Variants in ASIC2 observed in about 807,000 individuals in gnomAD.
The protein encoded by ASIC2 is acid-sensing ion channel 2.
ASIC2 carries 25 observed loss-of-function variants against 57.3 expected under a neutral mutation model. That is an observed-to-expected ratio of 0.44 (90% CI 0.32 to 0.61). The LOEUF (loss-of-function observed/expected upper bound fraction) is 0.61. Among genes scored for constraint, ASIC2 ranks in the 20% least tolerant of loss-of-function variants. The pLI is 0.06. For synonymous variants in ASIC2, 319 were observed against 307.5 expected (o/e 1.04, Z -0.39); for missense variants, 641 against 738.1 (o/e 0.87, Z 1.52).
intron 3 of ASIC2, among the ~76,000 whole-genome samples, chr17:33,044,261 CCCATCCATCCATCCATCCAT>C (rs3052916): frequency 1.5e-5 from 2 of 137,732 alleles, no homozygotes; most frequent in Non-Finnish European, 1.6e-5. Flanking sequence ...CATCCATCTA[CCCATCCATCCATCCATCCAT>C]CCATCCATCC....
At chr17:33,910,923 C>G (rs1230085877) in intron 1 of ASIC2, among the ~76,000 whole-genome samples, 1 of 152,264 alleles carries the variant, frequency 6.6e-6, no homozygotes, top group South Asian at 2.1e-4. Context: ...CAACCGTGTG[C>G]AGAAACATGT....
At chr17:33,184,294 G>A (rs769226100) in intron 1 of ASIC2, among the ~76,000 whole-genome samples, 14 of 152,076 alleles carry the variant, frequency 9.2e-5, no homozygotes, top group Admixed American at 1.3e-4. Context: ...CTACATAGCC[G>A]CTATAAAAAC....
chr17:33,197,600 C>T (rs1162736780), intron 1 of ASIC2, among the ~76,000 whole-genome samples: 1 of 152,232 alleles, frequency 6.6e-6, no homozygotes, highest in Non-Finnish European at 1.5e-5. Context: ...TTGATGAATG[C>T]ACCCTCTCCT....
intron 1 of ASIC2, among the ~76,000 whole-genome samples, chr17:34,110,248 C>A (rs1269040380): frequency 6.6e-6 from 1 of 152,172 alleles, no homozygotes; most frequent in East Asian, 1.9e-4. Flanking sequence ...ACGTGGGCAT[C>A]AAGTCAGCCC....
chr17:33,185,568 C>G (rs1906160305), intron 1 of ASIC2, among the ~76,000 whole-genome samples: 1 of 152,038 alleles, frequency 6.6e-6, no homozygotes, highest in Non-Finnish European at 1.5e-5. Context: ...AGGGAGAACC[C>G]TAGCTGAGCT....
At chr17:33,759,916 C>A (rs1327536192) in intron 1 of ASIC2, among the ~76,000 whole-genome samples, 9 of 152,166 alleles carry the variant, frequency 5.9e-5, no homozygotes, top group Non-Finnish European at 1.3e-4. Context: ...AGAGCCACCA[C>A]AAAGTCCCCA....
chr17:33,458,650 G>A (rs1179541591), intron 1 of ASIC2, among the ~76,000 whole-genome samples: 1 of 152,146 alleles, frequency 6.6e-6, no homozygotes, highest in Non-Finnish European at 1.5e-5. Context: ...ACAGTCCCTA[G>A]CACAAAACAA....
chr17:33,783,226 C>T (rs762747587), intron 1 of ASIC2, among the ~76,000 whole-genome samples: 1 of 152,254 alleles, frequency 6.6e-6, no homozygotes, highest in Non-Finnish European at 1.5e-5. Flanking sequence ...AGGCAAGGCA[C>T]TAACCATCTC....
intron 1 of ASIC2, among the ~76,000 whole-genome samples, chr17:33,842,708 T>C (rs1171122981): frequency 6.6e-6 from 1 of 152,102 alleles, no homozygotes; most frequent in Non-Finnish European, 1.5e-5. Context: ...ATGATATATT[T>C]AGAGGGATAT....
chr17:33,636,358 AGCATGACGT>A (rs1202815417), intron 1 of ASIC2, among the ~76,000 whole-genome samples: 2 of 152,218 alleles, frequency 1.3e-5, no homozygotes, highest in African/African-American at 4.8e-5. Context: ...TGTCCTAATC[AGCATGACGT>A]GCCTTAGGGG....
intron 1 of ASIC2, among the ~76,000 whole-genome samples, chr17:33,515,050 G>A (rs747443299): frequency 3.3e-5 from 5 of 152,204 alleles, no homozygotes; most frequent in Non-Finnish European, 5.9e-5. Flanking sequence ...CCTGTCATAG[G>A]TGCCAGTAAG....
At chr17:33,209,984 A>C (rs1475773769) in intron 1 of ASIC2, among the ~76,000 whole-genome samples, 3 of 152,200 alleles carry the variant, frequency 2.0e-5, no homozygotes. Context: ...CACAGAATCC[A>C]GAAACCTCTA....
chr17:33,599,274 A>G (rs1905065469), intron 1 of ASIC2, among the ~76,000 whole-genome samples: 1 of 152,212 alleles, frequency 6.6e-6, no homozygotes, highest in African/African-American at 2.4e-5. Flanking sequence ...CTGGGGAACA[A>G]AAGATACCTC....
intron 2 of ASIC2, among the ~76,000 whole-genome samples, chr17:33,110,173 T>C (rs964839710): frequency 6.6e-6 from 1 of 152,222 alleles, no homozygotes; most frequent in Non-Finnish European, 1.5e-5. Context: ...GTGTGGGGTC[T>C]CCATGACTCA....
intron 6 of ASIC2, among the ~76,000 whole-genome samples, chr17:33,023,602 C>T (rs1187091039): frequency 2.6e-5 from 4 of 152,132 alleles, no homozygotes; most frequent in Admixed American, 2.6e-4. Flanking sequence ...CTATGATAGC[C>T]AAAGTCACCC....
intron 1 of ASIC2, among the ~76,000 whole-genome samples, chr17:33,769,835 T>C (rs143183624): frequency 7.9e-5 from 12 of 152,318 alleles, no homozygotes; most frequent in Admixed American, 7.8e-4. Flanking sequence ...CGGATGGCCA[T>C]CTTCTCACTG....
At chr17:33,299,197 G>T (rs1905847094) in intron 1 of ASIC2, among the ~76,000 whole-genome samples, 1 of 151,312 alleles carries the variant, frequency 6.6e-6, no homozygotes, top group African/African-American at 2.5e-5. Context: ...TATACTACAA[G>T]ACTACAGTAA....
intron 1 of ASIC2, among the ~76,000 whole-genome samples, chr17:33,782,073 C>T (rs1911471509): frequency 6.6e-6 from 1 of 152,162 alleles, no homozygotes. Context: ...AGTTCTTTGT[C>T]TGATCGGTGG....
At chr17:34,064,540 T>C (rs1276760576) in intron 1 of ASIC2, among the ~76,000 whole-genome samples, 1 of 151,938 alleles carries the variant, frequency 6.6e-6, no homozygotes, top group East Asian at 1.9e-4. Context: ...CTAATCAAAC[T>C]AAAGAGCTTT....
Sources: gnomAD v4.1 joint callset for allele counts (sites outside exome capture counted in the v4.1 genomes callset) on GRCh38, gnomAD v4.1.1 for gene constraint, MANE v1.5 for transcripts, NCBI Gene and HGNC (gene_info 2026-07-23, HGNC 2026-07-21) for gene names.